PRKCQ: variants seen among roughly 807,000 people sequenced by gnomAD.
PRKCQ encodes the protein protein kinase C theta, also known as protein kinase C theta type.
In PRKCQ, 41 loss-of-function variants were observed where a neutral mutation model predicts 91.2. The observed-to-expected ratio is 0.45, with a 90% CI of 0.35 to 0.58. The LOEUF is 0.58. Among genes scored for constraint, PRKCQ ranks in the 20% least tolerant of loss-of-function variants. The pLI is 0.00. For missense variants in PRKCQ, 673 were observed against 896.5 expected (o/e 0.75, Z 3.18); for synonymous variants, 307 against 316.9 (o/e 0.97, Z 0.33).
intron 15 of PRKCQ, among the ~76,000 whole-genome samples, chr10:6,445,224 G>A (rs768765829): frequency 1.3e-5 from 2 of 151,286 alleles, no homozygotes; most frequent in Non-Finnish European, 2.9e-5. Flanking sequence ...GGAGCAGACT[G>A]ATGTGCACGG....
intron 1 of PRKCQ, among the ~76,000 whole-genome samples, chr10:6,522,435 G>A (rs944464973): frequency 5.9e-5 from 9 of 152,080 alleles, no homozygotes; most frequent in African/African-American, 2.2e-4. Flanking sequence ...TCTGGACACT[G>A]ACTCACCTAT....
At chr10:6,458,096 G>A (rs923050401) in intron 14 of PRKCQ, among the ~76,000 whole-genome samples, 3 of 152,102 alleles carry the variant, frequency 2.0e-5, no homozygotes, top group Admixed American at 1.3e-4. Flanking sequence ...CGCCATGCCT[G>A]GCTAATTTTT....
At position 6,485,946 on chromosome 10, in the gene PRKCQ, T is replaced by C. The variant is rs147945285; in HGVS notation, c.900+89A>G. 9,900 of 1,176,012 alleles carry C rather than the reference T, an allele frequency of 8.4e-3. 57 individuals carry two copies. The highest frequency in any genetic ancestry group is 0.01 in the Non-Finnish European group (8,133 of 801,258). The allele number at this position is 1,176,012 out of a possible 1,614,324, so 72.8% of individuals were successfully genotyped here. ...CAGAAATACATCCCGGCATTTCCCATAGGGCTGCCACAGGTGAAGCAGCAG... is the reference window on the plus strand; with the variant it reads ...CAGAAATACATCCCGGCATTTCCCACAGGGCTGCCACAGGTGAAGCAGCAG... On this transcript the variant is annotated intron_variant, in intron 9 of 17. Coordinates refer to ENST00000263125, the MANE Select transcript of PRKCQ (RefSeq NM_006257.5).
At chr10:6,573,263 A>T (rs1438468764) in intron 1 of PRKCQ, among the ~76,000 whole-genome samples, 1 of 152,248 alleles carries the variant, frequency 6.6e-6, no homozygotes, top group South Asian at 2.1e-4. Context: ...CAGTGAAAAC[A>T]GAACGGAAAA....
chr10:6,563,851 G>A (rs770625497), intron 1 of PRKCQ, among the ~76,000 whole-genome samples: 3 of 152,230 alleles, frequency 2.0e-5, no homozygotes, highest in Non-Finnish European at 4.4e-5. Flanking sequence ...AGTGCAGTTG[G>A]GGAGGGAGGA....
At position 6,441,977 on chromosome 10, in the gene PRKCQ, C is replaced by T. The variant is rs757627324; in HGVS notation, c.1752G>A (p.Glu584=). The stretch of plus-strand genomic sequence containing the variant: ...TGCGGATGGAGTGGAAGAGCTCCTC[C>T]TCATCCTGCCCGTGGAAAGGCGACT... The part of the protein sequence containing the change: ...IGQSPFHGQD[E]EELFHSIRMD... The change falls in exon 16 of 18, where the codon GAG becomes GAA. Residue 584 remains glutamate (E), a synonymous_variant. Transcript: ENST00000263125. 2.5e-6 allele frequency: 4 copies of T among 1,614,174 alleles called. No homozygotes were observed. In the Admixed American group the frequency reaches 6.7e-5, roughly 27 times the overall value.
chr10:6,404,734 CCTTCCTTCCT>C, the PRKCQ span, among the ~76,000 whole-genome samples: 1 of 145,400 alleles, frequency 6.9e-6, no homozygotes, highest in Non-Finnish European at 1.5e-5. Flanking sequence ...CTTCCTCCCT[CCTTCCTTCCT>C]CCCTTCCCTT....
At chr10:6,447,134 C>T (rs1352858670) in intron 15 of PRKCQ, among the ~76,000 whole-genome samples, 8 of 152,034 alleles carry the variant, frequency 5.3e-5, no homozygotes, top group East Asian at 3.9e-4. Flanking sequence ...TCCGGCTGGG[C>T]GCAGTGGCTC....
At chr10:6,501,579 T>C (rs932121315) in intron 4 of PRKCQ, among the ~76,000 whole-genome samples, 8 of 151,878 alleles carry the variant, frequency 5.3e-5, no homozygotes, top group African/African-American at 1.9e-4. Flanking sequence ...CCCAGCACTT[T>C]GGGAGGCCGA....
intron 4 of PRKCQ, among the ~76,000 whole-genome samples, chr10:6,506,943 T>A (rs573209349): frequency 4.3e-4 from 66 of 152,348 alleles, no homozygotes; most frequent in African/African-American, 1.5e-3. Context: ...TTTAGCAATG[T>A]GTTTTCTCAC....
At chr10:6,531,185 A>C (rs1279121284) in intron 1 of PRKCQ, among the ~76,000 whole-genome samples, 2 of 151,784 alleles carry the variant, frequency 1.3e-5, no homozygotes, top group Non-Finnish European at 1.5e-5. Context: ...GAGCTTTAGC[A>C]AGGCCGCCAG....
At chr10:6,520,582 C>T (rs1838961591) in intron 1 of PRKCQ, among the ~76,000 whole-genome samples, 1 of 152,188 alleles carries the variant, frequency 6.6e-6, no homozygotes, top group Non-Finnish European at 1.5e-5. Context: ...ACTCCATCCT[C>T]CCTGCCCCCT....
intron 1 of PRKCQ, among the ~76,000 whole-genome samples, chr10:6,551,387 CT>C (rs1011256014): frequency 3.4e-5 from 5 of 145,476 alleles, no homozygotes; most frequent in South Asian, 2.2e-4. Flanking sequence ...ACCACATTTT[CT>C]TTTTTTTTTC....
At chr10:6,528,409 C>T (rs975973681) in intron 1 of PRKCQ, among the ~76,000 whole-genome samples, 10 of 152,088 alleles carry the variant, frequency 6.6e-5, no homozygotes, top group South Asian at 2.1e-4. Flanking sequence ...GGGGTGGGGG[C>T]GCATCCTCCT....
intron 10 of PRKCQ, among the ~76,000 whole-genome samples, chr10:6,484,478 C>G (rs1474936470): frequency 2.0e-5 from 3 of 152,142 alleles, no homozygotes; most frequent in African/African-American, 4.8e-5. Flanking sequence ...TCCTTGACTG[C>G]CTGGCAACCC....
At chr10:6,457,645 G>A (rs1447438061) in intron 14 of PRKCQ, among the ~76,000 whole-genome samples, 1 of 152,028 alleles carries the variant, frequency 6.6e-6, no homozygotes, top group Non-Finnish European at 1.5e-5. Flanking sequence ...TTTTCTTCTC[G>A]ACTGACTTGG....
intron 1 of PRKCQ, among the ~76,000 whole-genome samples, chr10:6,568,260 C>A (rs1299426600): frequency 6.6e-6 from 1 of 151,804 alleles, no homozygotes; most frequent in Non-Finnish European, 1.5e-5. Flanking sequence ...AAACAAAAAT[C>A]CCCCCAAAAC....
At chr10:6,425,016 G>C (rs531832659), downstream of PRKCQ, among the ~76,000 whole-genome samples, 2 of 152,286 alleles carry the variant, frequency 1.3e-5, no homozygotes, top group South Asian at 4.2e-4. Context: ...CCCTAGAAGG[G>C]GGACAGGTAA....
At chr10:6,396,532 A>C in the PRKCQ span, among the ~76,000 whole-genome samples, 22 of 152,386 alleles carry the variant, frequency 1.4e-4, no homozygotes, top group East Asian at 3.5e-3. Flanking sequence ...GGAATCATAT[A>C]CTACATGGTC....
Sources: allele counts gnomAD v4.1 joint callset (sites outside exome capture counted in the v4.1 genomes callset), GRCh38; gene constraint gnomAD v4.1.1; transcripts MANE v1.5; gene names NCBI Gene and HGNC (gene_info 2026-07-23, HGNC 2026-07-21).